The following ABCB1 variants were observed in gnomAD, a reference collection of about 807,000 sequenced individuals.
ABCB1 encodes ATP-dependent translocase ABCB1.
ABCB1 carries 69 observed loss-of-function variants against 142.0 expected under a neutral mutation model. The ratio of observed to expected loss-of-function variants is 0.49; its 90% CI spans 0.40 to 0.59. The LOEUF (loss-of-function observed/expected upper bound fraction) is 0.59. ABCB1 is among the 20% of genes least tolerant of loss of function. The pLI is 0.00. For synonymous variants in ABCB1, 532 were observed against 539.2 expected (o/e 0.99, Z 0.18); for missense variants, 1,326 against 1,554.7 (o/e 0.85, Z 2.47).
intron 22 of ABCB1, 79 bp downstream of exon 22, chr7:87,520,697 C>A (rs1815462699): frequency 2.3e-6 from 3 of 1,297,098 alleles, no homozygotes; most frequent in Non-Finnish European, 3.4e-6. Flanking sequence ...TACCTTCTAG[C>A]CAAAGTAATC....
At chr7:87,540,647 G>A (rs1218228764) in intron 18 of ABCB1, among the ~76,000 whole-genome samples, 3 of 152,044 alleles carry the variant, frequency 2.0e-5, no homozygotes, top group African/African-American at 7.2e-5. Context: ...ACAGAGTTCC[G>A]CCATGTTGGC....
intron 1 of ABCB1, among the ~76,000 whole-genome samples, chr7:87,710,036 C>A (rs1055793002): frequency 7.2e-5 from 11 of 151,974 alleles, no homozygotes; most frequent in Admixed American, 6.6e-4. Flanking sequence ...TGGGGACACC[C>A]AAATTCAATA....
rs773556560 is a variant in ABCB1 at position 87,553,751 on chromosome 7, A to G, written c.999+10T>C. On this transcript the variant is annotated intron_variant, in intron 9 of 27. Transcript: ENST00000622132. ...TAATAATGGTTCATTTCTCAATGTA[A>G]ACCACTTACAGTGAGTACTTGTCCA... 1 of 1,613,170 alleles carries G rather than the reference A, an allele frequency of 6.2e-7. No individual in the cohort carries two copies. The highest frequency in any genetic ancestry group is 1.1e-5 in the South Asian group (1 of 91,062).
intron 25 of ABCB1, among the ~76,000 whole-genome samples, chr7:87,513,285 A>G (rs1165346772): frequency 6.6e-6 from 1 of 152,136 alleles, no homozygotes; most frequent in African/African-American, 2.4e-5. Flanking sequence ...GTAAGCATGT[A>G]ATTCCCTTTA....
intron 1 of ABCB1, among the ~76,000 whole-genome samples, chr7:87,642,187 A>G (rs1186872949): frequency 1.3e-5 from 2 of 152,018 alleles, no homozygotes; most frequent in Non-Finnish European, 2.9e-5. Context: ...CAAAACATAT[A>G]TATATATTTT....
At position 87,553,481 on chromosome 7, in the gene ABCB1, C is replaced by T. The variant is rs962943235; in HGVS notation, c.999+280G>A. 5.3e-5 allele frequency among the ~76,000 whole-genome samples: 8 copies of T among 151,962 alleles called. No individual in the cohort carries two copies. In the South Asian group the frequency reaches 6.3e-4, roughly 12 times the overall value. On this transcript the variant is annotated intron_variant, in intron 9 of 27. Transcript: ENST00000622132. ...GACTACAGGCGCCCGCCACCACGCC[C>T]GGCTAATTTTTTGTATTTTTTGTAG... is the stretch of plus-strand genomic sequence containing the variant.
At chr7:87,666,463 T>G (rs1295238437) in intron 1 of ABCB1, among the ~76,000 whole-genome samples, 2 of 152,206 alleles carry the variant, frequency 1.3e-5, no homozygotes, top group Non-Finnish European at 2.9e-5. Flanking sequence ...GTGGATAGTT[T>G]CCTTTGCTGC....
intron 1 of ABCB1, among the ~76,000 whole-genome samples, chr7:87,686,846 A>G (rs187113682): frequency 1.1e-4 from 17 of 151,554 alleles, no homozygotes; most frequent in Non-Finnish European, 1.9e-4. Flanking sequence ...TTGGGAGGCT[A>G]AGGTGGGAGG....
At position 87,680,727 on chromosome 7, in the gene ABCB1, G is replaced by A. The variant is rs543706704; in HGVS notation, c.-331+32434C>T. 1.1e-4 allele frequency among the ~76,000 whole-genome samples: 17 copies of A among 150,266 alleles called. 3 individuals carry two copies. The highest frequency in any genetic ancestry group is 3.7e-4 in the African/African-American group (15 of 40,464). On this transcript the variant is annotated intron_variant, in intron 1 of 28. Transcript: ENST00000265724. Reference sequence around the variant, plus strand: ...GGAGAATCACTTGAACCTGGGAGGCGGAGGGTGCAGTGAGCCAAGATCGCG... The same window carrying A: ...GGAGAATCACTTGAACCTGGGAGGCAGAGGGTGCAGTGAGCCAAGATCGCG...
At chr7:87,505,810 G>A (rs1345335671) in intron 27 of ABCB1, 87 bp downstream of exon 27, 7 of 1,480,548 alleles carry the variant, frequency 4.7e-6, no homozygotes, top group African/African-American at 1.4e-5. Context: ...TCAATAATCT[G>A]GCTGCATTTT....
intron 1 of ABCB1, among the ~76,000 whole-genome samples, chr7:87,629,938 A>G (rs1437254825): frequency 6.6e-6 from 1 of 151,858 alleles, no homozygotes; most frequent in African/African-American, 2.4e-5. Context: ...AAAAAAAAGA[A>G]CTATTTATAG....
At chr7:87,710,559 C>T in intron 1 of ABCB1, 2 of 1,490,030 alleles carry the variant, frequency 1.3e-6, no homozygotes, top group Non-Finnish European at 1.8e-6. Flanking sequence ...ATTCTTTCTT[C>T]TTCCTTTTAG....
At chr7:87,599,108 T>A (rs1819330814) in intron 2 of ABCB1, among the ~76,000 whole-genome samples, 1 of 152,212 alleles carries the variant, frequency 6.6e-6, no homozygotes, top group South Asian at 2.1e-4. Context: ...GTATTTTTTC[T>A]CTTACACTGA....
At chr7:87,672,289 T>C (rs1825900787) in intron 1 of ABCB1, among the ~76,000 whole-genome samples, 1 of 152,226 alleles carries the variant, frequency 6.6e-6, no homozygotes, top group Non-Finnish European at 1.5e-5. Flanking sequence ...AGTTGTGCTA[T>C]GCTGGGGGAT....
intron 1 of ABCB1, among the ~76,000 whole-genome samples, chr7:87,706,439 G>T (rs1304183447): frequency 6.6e-6 from 1 of 152,134 alleles, no homozygotes; most frequent in Non-Finnish European, 1.5e-5. Flanking sequence ...GATCCCAAAG[G>T]TAAGAAAACA....
At chr7:87,701,787 G>A (rs535904766) in intron 1 of ABCB1, among the ~76,000 whole-genome samples, 28 of 152,232 alleles carry the variant, frequency 1.8e-4, no homozygotes, top group Admixed American at 7.8e-4. Context: ...GTTACAGATG[G>A]AATGCAGAAG....
intron 20 of ABCB1, among the ~76,000 whole-genome samples, chr7:87,532,194 T>C (rs994388054): frequency 2.0e-5 from 3 of 152,188 alleles, no homozygotes; most frequent in Non-Finnish European, 4.4e-5. Flanking sequence ...TCCATCACTC[T>C]ATAATTTAGT....
At chr7:87,570,956 T>C (rs2129840920) in intron 4 of ABCB1, among the ~76,000 whole-genome samples, 1 of 152,330 alleles carries the variant, frequency 6.6e-6, no homozygotes, top group South Asian at 2.1e-4. Flanking sequence ...TGTGTATCTA[T>C]TTTTTCAATG....
At chr7:87,617,554 T>C (rs1490662192) in intron 1 of ABCB1, among the ~76,000 whole-genome samples, 1 of 152,198 alleles carries the variant, frequency 6.6e-6, no homozygotes, top group Non-Finnish European at 1.5e-5. Context: ...AGATTGCACA[T>C]TACTGCCACC....
Sources: gnomAD v4.1 joint callset for allele counts (sites outside exome capture counted in the v4.1 genomes callset) on GRCh38, gnomAD v4.1.1 for gene constraint, MANE v1.5 for transcripts, NCBI Gene and HGNC (gene_info 2026-07-23, HGNC 2026-07-21) for gene names.